Variants in TNN observed in about 807,000 individuals in gnomAD.
TNN encodes the protein tenascin N.
Under a neutral mutation model 134.4 loss-of-function variants are expected in TNN, and 122 were observed. That is an observed-to-expected ratio of 0.91 (90% CI 0.78 to 1.06). The LOEUF is 1.06. Among genes scored for constraint, TNN ranks in the 50% least tolerant of loss-of-function variants. The pLI is 0.00. For synonymous variants in TNN, 710 were observed against 670.3 expected (o/e 1.06, Z -0.91); for missense variants, 1,739 against 1,699.4 (o/e 1.02, Z -0.41).
chr1:175,135,975 G>C lies in TNN; in HGVS notation c.3427+34G>C, dbSNP rs570652385. On this transcript the variant is annotated intron_variant, in intron 16 of 18. Transcript: ENST00000239462. ...TCAGAATCCAGGAGGCTGGGGCTGTGGGGGGTGATTTCTCCCAGGACAAGC... is the reference window on the plus strand; with the variant it reads ...TCAGAATCCAGGAGGCTGGGGCTGTCGGGGGTGATTTCTCCCAGGACAAGC... The C allele has an allele frequency of 1.1e-5, 16 of 1,500,048 alleles. No individual in the cohort carries two copies. The African/African-American group carries it at 1.2e-4, about 12-fold the overall frequency. The allele number at this position is 1,500,048 out of a possible 1,614,324, so 92.9% of individuals were successfully genotyped here.
intron 12 of TNN, among the ~76,000 whole-genome samples, chr1:175,124,019 T>C (rs1279611356): frequency 6.6e-6 from 1 of 152,050 alleles, no homozygotes; most frequent in East Asian, 1.9e-4. Context: ...ATGGAGGCAA[T>C]GGGGATGCAT....
chr1:175,105,959 G>C (rs1197319711), intron 9 of TNN, among the ~76,000 whole-genome samples: 1 of 145,842 alleles, frequency 6.9e-6, no homozygotes, highest in Admixed American at 6.9e-5. Flanking sequence ...CCTGGACCCT[G>C]CTGACTTGAA....
intron 4 of TNN, among the ~76,000 whole-genome samples, chr1:175,082,768 G>A (rs1355767661): frequency 6.6e-6 from 1 of 152,156 alleles, no homozygotes; most frequent in Non-Finnish European, 1.5e-5. Flanking sequence ...GGAGGTGAAG[G>A]TGGGGGCGTG....
rs139469537 is a variant in TNN at position 175,077,523 on chromosome 1, C to T, written c.105C>T (p.Asn35=). 3.2e-4 allele frequency: 509 copies of T among 1,614,086 alleles called. 1 individual carries two copies. In the African/African-American group the frequency reaches 5.6e-3, roughly 18 times the overall value. ...CTCTGGAGCCTCCCGGCTGCAGCAA[C>T]AAGGAGCAACAGGTCACTGTCAGCC... ...PATLEPPGCS[N]KEQQVTVSHT... is the part of the protein sequence containing the mutation. The change falls in exon 2 of 19, where the codon AAC becomes AAT. Residue 35 remains asparagine (N), a synonymous_variant. Coordinates refer to ENST00000239462, the MANE Select transcript of TNN (RefSeq NM_022093.2).
intron 4 of TNN, among the ~76,000 whole-genome samples, chr1:175,082,577 G>A (rs1414795922): frequency 1.3e-5 from 2 of 152,176 alleles, no homozygotes; most frequent in African/African-American, 2.4e-5. Context: ...GGAAGCCAGT[G>A]GGTGAGAGGA....
chr1:175,069,636 A>G (rs1435228321), intron 1 of TNN, among the ~76,000 whole-genome samples: 3 of 152,204 alleles, frequency 2.0e-5, no homozygotes, highest in Admixed American at 2.0e-4. Flanking sequence ...GGATCTGGAT[A>G]CAGACATGAG....
At chr1:175,118,190 G>T in intron 10 of TNN, among the ~76,000 whole-genome samples, 1 of 152,304 alleles carries the variant, frequency 6.6e-6, no homozygotes, top group East Asian at 1.9e-4. Flanking sequence ...ACACAAAATT[G>T]TTAGTTCCTG....
Position 175,118,835 on chromosome 1 carries a change from TGAAGA to T in TNN, c.2650+18_2650+22del. ...CCAAGGCCCAGACAGGTAATAGAAG[TGAAGA>T]GAAGAGCAAACCCGGGTAGTAGCTG... On this transcript the variant is annotated intron_variant, in intron 11 of 18. Coordinates refer to ENST00000239462, the MANE Select transcript of TNN (RefSeq NM_022093.2). The T allele has an allele frequency of 6.2e-7, 1 of 1,613,526 alleles. No homozygotes were observed.
intron 18 of TNN, among the ~76,000 whole-genome samples, chr1:175,145,566 A>AAAAAAAAAAAAAAAAAAAAAC (rs1676044227): frequency 6.8e-6 from 1 of 148,104 alleles, no homozygotes; most frequent in Non-Finnish European, 1.5e-5. Flanking sequence ...AAAAAAAAAA[A>AAAAAAAAAAAAAAAAAAAAAC]AAAAAAAAAG....
At chr1:175,074,930 G>A (rs536836540) in intron 1 of TNN, among the ~76,000 whole-genome samples, 7 of 152,332 alleles carry the variant, frequency 4.6e-5, no homozygotes, top group East Asian at 1.9e-4. Context: ...CTGCCACTTC[G>A]TTGTTGGGCA....
chr1:175,070,382 A>C (rs574969073), intron 1 of TNN, among the ~76,000 whole-genome samples: 134 of 152,332 alleles, frequency 8.8e-4, no homozygotes, highest in African/African-American at 3.1e-3. Flanking sequence ...AGGCTGGGTC[A>C]GGACACCATC....
intron 6 of TNN, among the ~76,000 whole-genome samples, chr1:175,092,027 G>A (rs1238131345): frequency 1.3e-5 from 2 of 152,200 alleles, no homozygotes; most frequent in African/African-American, 4.8e-5. Context: ...GGGACCTGGG[G>A]TTGTACAGAT....
chr1:175,132,976 C>A (rs1261489732), intron 15 of TNN, among the ~76,000 whole-genome samples: 3 of 152,202 alleles, frequency 2.0e-5, no homozygotes, highest in African/African-American at 2.4e-5. Context: ...CTTCAAGGCA[C>A]ATGCTGTGAA....
At chr1:175,092,840 C>G (rs1355295617) in intron 6 of TNN, among the ~76,000 whole-genome samples, 2 of 152,194 alleles carry the variant, frequency 1.3e-5, no homozygotes, top group Non-Finnish European at 2.9e-5. Context: ...CATGTTGAAT[C>G]CATCAGCAGA....
In TNN at chr1:175,147,057, C is replaced by A; in HGVS notation, c.3886C>A (p.Leu1296Met). The change falls in exon 19 of 19, where the codon CTG becomes ATG. Residue 1296 changes from leucine (L) to methionine (M), a missense_variant. By Grantham distance (15) the Leu-to-Met change is conservative (BLOSUM62 2). Coordinates refer to ENST00000239462, the MANE Select transcript of TNN (RefSeq NM_022093.2). ...GRKKRTLRGR[L>M]RTF Reference sequence around the variant, plus strand: ...AAAGAAGCGGACGCTGAGAGGAAGGCTGCGAACGTTCTGATGGCCCGTGTG... The same window carrying A: ...AAAGAAGCGGACGCTGAGAGGAAGGATGCGAACGTTCTGATGGCCCGTGTG... 1 of 1,581,892 alleles carries A rather than the reference C, an allele frequency of 6.3e-7. No homozygotes were observed. The highest frequency in any genetic ancestry group is 8.6e-7 in the Non-Finnish European group (1 of 1,164,154).
chr1:175,106,032 C>G (rs531335225), intron 9 of TNN, among the ~76,000 whole-genome samples: 1 of 145,544 alleles, frequency 6.9e-6, no homozygotes, highest in African/African-American at 2.5e-5. Context: ...CATGGAGGAC[C>G]GAGGAAGGTC....
rs893200119 is a variant in TNN, at chr1:175,092,895, A to C, written c.1325-1095A>C. On this transcript the variant is annotated intron_variant, in intron 6 of 18. Coordinates refer to ENST00000239462, the MANE Select transcript of TNN (RefSeq NM_022093.2). ...GAAAGCTCCAAAGCCAGCCTTCCCC[A>C]TGACCCTCATTACTGCTGCAGTGGC... Among the ~76,000 whole-genome samples, 42 of 152,112 alleles carry C rather than the reference A, an allele frequency of 2.8e-4. 1 individual carries two copies. The highest frequency in any genetic ancestry group is 8.8e-5 in the Non-Finnish European group (6 of 67,992).
chr1:175,098,605 G>A lies in TNN; in HGVS notation c.2119+10G>A, dbSNP rs769315672. 3.1e-6 allele frequency: 5 copies of A among 1,613,812 alleles called. No individual in the cohort carries two copies. The highest frequency in any genetic ancestry group is 1.6e-4 in the Middle Eastern group (1 of 6,082). On this transcript the variant is annotated intron_variant, in intron 9 of 18. Coordinates refer to ENST00000239462, the MANE Select transcript of TNN (RefSeq NM_022093.2). ...ACCAAGGCCCAGACAGGTAAGGAGT[G>A]TGCATTATTGCTGTGCCGATGCCAT...
At chr1:175,104,506 A>C (rs1674803138) in intron 9 of TNN, among the ~76,000 whole-genome samples, 1 of 145,840 alleles carries the variant, frequency 6.9e-6, no homozygotes, top group Admixed American at 6.9e-5. Flanking sequence ...AACCGCACTG[A>C]TAACAAGCCG....
Sources: gnomAD v4.1 joint callset for allele counts (sites outside exome capture counted in the v4.1 genomes callset) on GRCh38, gnomAD v4.1.1 for gene constraint, MANE v1.5 for transcripts, NCBI Gene and HGNC (gene_info 2026-07-23, HGNC 2026-07-21) for gene names.